NBAS: variants seen among roughly 807,000 people sequenced by gnomAD.
NBAS encodes NAG/BC035112 fusion.
A neutral mutation model predicts 302.5 loss-of-function variants in NBAS; 219 were observed. That is an observed-to-expected ratio of 0.72 (90% CI 0.65 to 0.81). The LOEUF (loss-of-function observed/expected upper bound fraction) is 0.81. NBAS is among the 30% of genes least tolerant of loss of function. The pLI is 0.00. For synonymous variants in NBAS, 1,118 were observed against 1,021.6 expected (o/e 1.09, Z -1.80); for missense variants, 2,932 against 2,841.6 (o/e 1.03, Z -0.72).
chr2:14,804,091 G>A, the NBAS span, among the ~76,000 whole-genome samples: 2 of 152,124 alleles, frequency 1.3e-5, no homozygotes, highest in African/African-American at 4.8e-5. Flanking sequence ...TTGCTAAAAT[G>A]TATTTGTAAC....
Position 15,327,888 on chromosome 2 carries a change from T to C in NBAS, c.4462-18A>G. ...CCTTCAGACTACACAAAAGAAGCAG[T>C]TTCACTATCTAGTAGGGTGCCTTTT... On this transcript the variant is annotated intron_variant, in intron 37 of 51. Coordinates refer to ENST00000281513, the MANE Select transcript of NBAS (RefSeq NM_015909.4). 6.2e-7 allele frequency: 1 copy of C among 1,613,380 alleles called. No homozygotes were observed. The highest frequency in any genetic ancestry group is 8.5e-7 in the Non-Finnish European group (1 of 1,179,676).
the NBAS span, among the ~76,000 whole-genome samples, chr2:14,986,766 T>A: frequency 6.6e-6 from 1 of 152,112 alleles, no homozygotes; most frequent in African/African-American, 2.4e-5. Flanking sequence ...GTGGCTATTT[T>A]AATACTTGGA....
rs1666785723 is a variant in NBAS at position 15,218,918 on chromosome 2, C to T, written c.6287G>A (p.Cys2096Tyr). Residue 2096 changes from cysteine (C) to tyrosine (Y), a missense_variant, in exon 48 of 52, where the codon TGT (cysteine) becomes TAT (tyrosine). Transcript: ENST00000281513. ...EDLLEWLRPF[C>Y]ADDAWPVRPR... Reference sequence around the variant, plus strand: ...CCGCACCGGCCAGGCGTCATCAGCACAGAAAGGCCGCAGCCACTCCAGCAG... The same window carrying T: ...CCGCACCGGCCAGGCGTCATCAGCATAGAAAGGCCGCAGCCACTCCAGCAG... 1 of 1,614,258 alleles carries T rather than the reference C, an allele frequency of 6.2e-7. No individual in the cohort carries two copies. The highest frequency in any genetic ancestry group is 1.3e-5 in the African/African-American group (1 of 75,070).
intron 44 of NBAS, among the ~76,000 whole-genome samples, chr2:15,247,493 C>A (rs971743239): frequency 1.3e-5 from 2 of 151,614 alleles, no homozygotes; most frequent in South Asian, 4.2e-4. Context: ...GGAGACCATT[C>A]AGGCTCAAAA....
intron 16 of NBAS, among the ~76,000 whole-genome samples, chr2:15,469,039 G>T (rs1400693561): frequency 6.6e-6 from 1 of 152,102 alleles, no homozygotes; most frequent in Non-Finnish European, 1.5e-5. Context: ...TTTTTGGAAA[G>T]ATCAAAGTCC....
the NBAS span, among the ~76,000 whole-genome samples, chr2:15,108,661 A>G: frequency 6.6e-6 from 1 of 152,154 alleles, no homozygotes; most frequent in African/African-American, 2.4e-5. Context: ...TTACCACAAA[A>G]GCTGTGGAAA....
chr2:15,036,307 A>C, the NBAS span, among the ~76,000 whole-genome samples: 2 of 152,214 alleles, frequency 1.3e-5, no homozygotes, highest in Non-Finnish European at 2.9e-5. Context: ...AGGTCTACCA[A>C]ATACAATTGC....
the NBAS span, among the ~76,000 whole-genome samples, chr2:15,070,008 G>C: frequency 6.6e-6 from 1 of 152,042 alleles, no homozygotes; most frequent in Non-Finnish European, 1.5e-5. Context: ...CCCCCACCAT[G>C]AGAATGTCAG....
At chr2:15,086,985 A>G in the NBAS span, among the ~76,000 whole-genome samples, 1 of 152,156 alleles carries the variant, frequency 6.6e-6, no homozygotes, top group Non-Finnish European at 1.5e-5. Context: ...CAACACGCAC[A>G]CACACACCAC....
At chr2:14,887,482 G>C in the NBAS span, among the ~76,000 whole-genome samples, 2 of 151,336 alleles carry the variant, frequency 1.3e-5, no homozygotes, top group East Asian at 3.9e-4. Context: ...TGAGAAATAC[G>C]AGGCAGGGAG....
At chr2:15,491,594 G>T (rs901067790) in intron 11 of NBAS, among the ~76,000 whole-genome samples, 2 of 152,104 alleles carry the variant, frequency 1.3e-5, no homozygotes, top group African/African-American at 2.4e-5. Flanking sequence ...AAATTAGCCA[G>T]GCGTGGTGGT....
At chr2:15,389,207 C>G (rs1462498287) in intron 28 of NBAS, among the ~76,000 whole-genome samples, 1 of 152,160 alleles carries the variant, frequency 6.6e-6, no homozygotes, top group Non-Finnish European at 1.5e-5. Flanking sequence ...CCCAGATGAC[C>G]CCAGCAATAC....
the NBAS span, among the ~76,000 whole-genome samples, chr2:15,040,153 C>T: frequency 6.6e-6 from 1 of 152,156 alleles, no homozygotes; most frequent in Non-Finnish European, 1.5e-5. Context: ...TCCTAGGAGC[C>T]AAAGGAGGTC....
chr2:15,469,285 T>C (rs1228362736), intron 16 of NBAS, among the ~76,000 whole-genome samples: 1 of 152,238 alleles, frequency 6.6e-6, no homozygotes, highest in Non-Finnish European at 1.5e-5. Flanking sequence ...TTCTGTAAAT[T>C]GTGATGTTAG....
chr2:15,189,752 A>G (rs1368700381), intron 49 of NBAS, among the ~76,000 whole-genome samples: 6 of 152,164 alleles, frequency 3.9e-5, no homozygotes, highest in Admixed American at 3.3e-4. Flanking sequence ...TGTCTCCTCC[A>G]CTTATTAGCC....
the NBAS span, among the ~76,000 whole-genome samples, chr2:15,161,543 GAA>G: frequency 7.2e-3 from 1,102 of 152,290 alleles, 13 homozygotes; most frequent in African/African-American, 0.025. Flanking sequence ...CAAGTGTCCA[GAA>G]GAGAAAGTTC....
intron 51 of NBAS, among the ~76,000 whole-genome samples, chr2:15,172,409 T>G (rs1019308528): frequency 6.6e-6 from 1 of 152,234 alleles, no homozygotes; most frequent in Admixed American, 6.5e-5. Flanking sequence ...TTTGTTATCA[T>G]GAACATTCTA....
chr2:14,813,199 G>A, the NBAS span, among the ~76,000 whole-genome samples: 1 of 152,154 alleles, frequency 6.6e-6, no homozygotes, highest in Non-Finnish European at 1.5e-5. Flanking sequence ...AGAAAATGGG[G>A]CATTGGTATA....
intron 10 of NBAS, among the ~76,000 whole-genome samples, chr2:15,509,519 C>T (rs1051383562): frequency 1.3e-5 from 2 of 152,138 alleles, no homozygotes; most frequent in Admixed American, 1.3e-4. Context: ...GAAACTACTA[C>T]TTTGTTGGGT....
Sources: allele counts gnomAD v4.1 joint callset (sites outside exome capture counted in the v4.1 genomes callset), GRCh38; gene constraint gnomAD v4.1.1; transcripts MANE v1.5; gene names NCBI Gene and HGNC (gene_info 2026-07-23, HGNC 2026-07-21).